Variants in JMJD1C observed in about 807,000 individuals in gnomAD.
JMJD1C encodes jumonji domain-containing protein 1C.
JMJD1C carries 31 observed loss-of-function variants against 245.3 expected under a neutral mutation model. That is an observed-to-expected ratio of 0.13 (90% confidence interval 0.09 to 0.17). JMJD1C has a LOEUF of 0.17. Among genes scored for constraint, JMJD1C ranks in the 10% least tolerant of loss-of-function variants. JMJD1C has a pLI of 1.00. For synonymous variants in JMJD1C, 1,057 were observed against 1,017.4 expected (o/e 1.04, Z -0.74); for missense variants, 2,691 against 3,000.2 (o/e 0.90, Z 2.41).
chr10:63,303,766 G>C (rs997105541), intron 2 of JMJD1C, among the ~76,000 whole-genome samples: 1 of 152,058 alleles, frequency 6.6e-6, no homozygotes, highest in African/African-American at 2.4e-5. Context: ...TTTGGATACA[G>C]GTTTAAAAAA....
Position 63,295,127 on chromosome 10 carries a change from G to A in JMJD1C, c.334-30363C>T, listed in dbSNP as rs145150057. Among the ~76,000 whole-genome samples, 105 of 152,158 alleles carry A rather than the reference G, an allele frequency of 6.9e-4. 3 individuals carry two copies. The East Asian group carries it at 0.017, about 25-fold the overall frequency. On this transcript the variant is annotated intron_variant, in intron 2 of 25. Coordinates refer to ENST00000399262, the MANE Select transcript of JMJD1C (RefSeq NM_032776.3). ...TTTTGAGTGAGGATCTCTCCGTGTCGTTGGGGCTGGAGTACAGTGGCTTGA... is the reference window on the plus strand; with the variant it reads ...TTTTGAGTGAGGATCTCTCCGTGTCATTGGGGCTGGAGTACAGTGGCTTGA...
intron 1 of JMJD1C, among the ~76,000 whole-genome samples, chr10:63,398,295 T>C (rs1305290551): frequency 6.6e-6 from 1 of 152,168 alleles, no homozygotes; most frequent in East Asian, 1.9e-4. Flanking sequence ...CTATTATTTA[T>C]AGGTTCCTCT....
At chr10:63,374,890 T>C (rs1946599580) in intron 2 of JMJD1C, among the ~76,000 whole-genome samples, 1 of 148,368 alleles carries the variant, frequency 6.7e-6, no homozygotes, top group South Asian at 2.1e-4. Context: ...TTTGCCAAAT[T>C]CATTTATTAG....
chr10:63,457,301 G>T (rs927843200), intron 1 of JMJD1C, among the ~76,000 whole-genome samples: 2 of 152,158 alleles, frequency 1.3e-5, no homozygotes, highest in African/African-American at 4.8e-5. Context: ...AAGCCCAGGT[G>T]AAACTTCAAA....
intron 1 of JMJD1C, among the ~76,000 whole-genome samples, chr10:63,492,048 T>TTC (rs200363618): frequency 6.6e-6 from 1 of 152,068 alleles, no homozygotes; most frequent in East Asian, 1.9e-4. Flanking sequence ...TCTTTCTTCT[T>TTC]TCTCTCTCTC....
At chr10:63,248,227 C>A (rs1278398101) in intron 3 of JMJD1C, among the ~76,000 whole-genome samples, 1 of 152,076 alleles carries the variant, frequency 6.6e-6, no homozygotes, top group Non-Finnish European at 1.5e-5. Flanking sequence ...CTTTGGGAGG[C>A]CGAGGCAGGT....
chr10:63,419,184 G>A (rs779092411), intron 1 of JMJD1C, among the ~76,000 whole-genome samples: 19 of 151,168 alleles, frequency 1.3e-4, no homozygotes, highest in Non-Finnish European at 2.7e-4. Flanking sequence ...TCAGGAGTTC[G>A]AGACCAGCCT....
At chr10:63,396,375 T>TA (rs1007631814) in intron 1 of JMJD1C, among the ~76,000 whole-genome samples, 6 of 152,124 alleles carry the variant, frequency 3.9e-5, no homozygotes, top group African/African-American at 1.2e-4. Flanking sequence ...TCCTAAGAGA[T>TA]AAAAAAGAAC....
At chr10:63,314,467 G>A (rs923495732) in intron 2 of JMJD1C, among the ~76,000 whole-genome samples, 1 of 152,166 alleles carries the variant, frequency 6.6e-6, no homozygotes, top group Admixed American at 6.5e-5. Context: ...GACTGAGGTG[G>A]GAGAATCACC....
At chr10:63,202,699 C>T (rs1204245485) in intron 10 of JMJD1C, 2 of 985,204 alleles carry the variant, frequency 2.0e-6, no homozygotes. Flanking sequence ...CCACATCTCC[C>T]GGTTATGGTA....
In JMJD1C at chr10:63,219,866, C is replaced by T; in HGVS notation, c.553+12G>A. ...TCCAAAAAAATTTAATGCATAACTT[C>T]AAAATAGTTACCTTGCATAAAAATC... is the stretch of plus-strand genomic sequence containing the variant. On this transcript the variant is annotated intron_variant, in intron 4 of 25. Transcript: ENST00000399262. 6.2e-7 allele frequency: 1 copy of T among 1,600,962 alleles called. No individual in the cohort carries two copies. The highest frequency in any genetic ancestry group is 8.6e-7 in the Non-Finnish European group (1 of 1,169,170).
chr10:63,367,495 C>G (rs954141643), intron 2 of JMJD1C, among the ~76,000 whole-genome samples: 1 of 152,112 alleles, frequency 6.6e-6, no homozygotes, highest in Non-Finnish European at 1.5e-5. Context: ...ATCTGCCAGC[C>G]TCGGCCTCCC....
intron 2 of JMJD1C, among the ~76,000 whole-genome samples, chr10:63,342,312 A>T (rs1943451711): frequency 6.6e-6 from 1 of 152,232 alleles, no homozygotes; most frequent in South Asian, 2.1e-4. Flanking sequence ...GGCTTACTGA[A>T]GGACTAAAGC....
At chr10:63,219,843 CA>C (rs746959519) in intron 4 of JMJD1C, 34 bp downstream of exon 4, 22 of 1,510,712 alleles carry the variant, frequency 1.5e-5, no homozygotes, top group Non-Finnish European at 1.7e-5. Context: ...TGCCTAGATC[CA>C]AAAAAATTTA....
intron 3 of JMJD1C, among the ~76,000 whole-genome samples, chr10:63,221,029 T>C (rs1480034470): frequency 6.7e-6 from 1 of 150,006 alleles, no homozygotes; most frequent in Non-Finnish European, 1.5e-5. Context: ...GAGAATGGTG[T>C]GAACCGGAAG....
At chr10:63,194,476 TAG>T (rs1845215496) in intron 13 of JMJD1C, 101 bp from the exon 14 acceptor site, 10 of 747,634 alleles carry the variant, frequency 1.3e-5, no homozygotes, top group Non-Finnish European at 2.3e-5. Flanking sequence ...CATAGTTGGC[TAG>T]AGTCACAGCC....
chr10:63,515,058 G>A (rs189377982), intron 1 of JMJD1C, among the ~76,000 whole-genome samples: 2 of 152,250 alleles, frequency 1.3e-5, no homozygotes, highest in Admixed American at 6.5e-5. Context: ...GTCCTCTGGT[G>A]AGCCCGTGCC....
intron 3 of JMJD1C, among the ~76,000 whole-genome samples, chr10:63,244,817 A>AGGGGGGGG (rs370952932): frequency 3.8e-5 from 2 of 52,902 alleles, no homozygotes; most frequent in Admixed American, 1.7e-4. Context: ...TTAAAAAAAA[A>AGGGGGGGG]GGGGGGGGGA....
chr10:63,511,298 T>C (rs117655635), intron 1 of JMJD1C, among the ~76,000 whole-genome samples: 523 of 152,364 alleles, frequency 3.4e-3, no homozygotes, highest in Non-Finnish European at 5.5e-3. Flanking sequence ...GCACATTATA[T>C]GATTTCATTT....
Sources: gnomAD v4.1 joint callset for allele counts (sites outside exome capture counted in the v4.1 genomes callset) on GRCh38, gnomAD v4.1.1 for gene constraint, MANE v1.5 for transcripts, NCBI Gene and HGNC (gene_info 2026-07-23, HGNC 2026-07-21) for gene names.